The following ANK2 variants were observed in gnomAD, a reference collection of about 807,000 sequenced individuals.
The protein encoded by ANK2 is ankyrin-2.
Under a neutral mutation model 360.5 loss-of-function variants are expected in ANK2, and 83 were observed. The observed-to-expected ratio is 0.23, with a 90% CI of 0.19 to 0.28. ANK2 has a LOEUF of 0.28. Among genes scored for constraint, ANK2 ranks in the 10% least tolerant of loss-of-function variants. The pLI, the probability that ANK2 is intolerant of heterozygous loss-of-function variation, is 1.00. For synonymous variants in ANK2, 1,740 were observed against 1,759.5 expected (o/e 0.99, Z 0.28); for missense variants, 4,201 against 4,795.7 (o/e 0.88, Z 3.66).
chr4:113,253,232 G>GT (rs1467920322), intron 10 of ANK2, among the ~76,000 whole-genome samples: 2 of 152,068 alleles, frequency 1.3e-5, no homozygotes, highest in Non-Finnish European at 2.9e-5. Flanking sequence ...CTTTCCTTCT[G>GT]TTTTCCTAGC....
rs2097187424 is a variant in ANK2 at position 113,382,441 on chromosome 4, C to T, written c.*970C>T. ...CATCTTCAGGTCTTTAGATCTTGGA[C>T]AAGTTGGCAGGGTATTTTAAAAGCT... On this transcript the variant is annotated 3_prime_UTR_variant, in exon 46 of 46. Transcript: ENST00000357077. 1 of 152,674 alleles carries T rather than the reference C, an allele frequency of 6.5e-6. No individual in the cohort carries two copies. The highest frequency in any genetic ancestry group is 2.4e-5 in the African/African-American group (1 of 41,440). 9.5% of individuals were successfully genotyped at this position (152,674 alleles called of 1,614,324 possible).
chr4:113,054,689 A>C (rs893695675), intron 1 of ANK2, among the ~76,000 whole-genome samples: 1 of 152,166 alleles, frequency 6.6e-6, no homozygotes. Context: ...TAAAATACCA[A>C]CTTATAACCC....
In ANK2 at chr4:113,022,365, C is replaced by T. The variant is rs114641211; in HGVS notation, c.21+117851C>T. On this transcript the variant is annotated intron_variant, in intron 2 of 30. Coordinates refer to the ANK2 transcript ENST00000503271. ...TTACTTATCTACATCATATTTGGTA[C>T]GCAATTCCAGGATAATCACATTTTC... Among the ~76,000 whole-genome samples, 1,054 of 152,244 alleles carry T rather than the reference C, an allele frequency of 6.9e-3. 5 individuals carry two copies. Among genetic ancestry groups the T allele is most frequent in the Admixed American group, 0.013 (193 of 15,288 alleles).
At chr4:112,917,243 T>C (rs1222694734) in intron 2 of ANK2, among the ~76,000 whole-genome samples, 3 of 152,274 alleles carry the variant, frequency 2.0e-5, no homozygotes, top group East Asian at 1.9e-4. Flanking sequence ...AGACTCTTTA[T>C]TGATAACTCT....
intron 11 of ANK2, 142 bp downstream of exon 11, chr4:113,256,074 C>A: frequency 9.9e-7 from 1 of 1,013,372 alleles, no homozygotes; most frequent in Non-Finnish European, 1.5e-6. Flanking sequence ...TCACAATCAG[C>A]CTGTGTACTT....
intron 1 of ANK2, among the ~76,000 whole-genome samples, chr4:113,122,042 T>C (rs575286485): frequency 1.3e-5 from 2 of 152,174 alleles, no homozygotes; most frequent in South Asian, 4.1e-4. Context: ...AAGTTGAGAG[T>C]GGAATGTATT....
intron 1 of ANK2, among the ~76,000 whole-genome samples, chr4:112,899,550 C>G (rs2082685132): frequency 6.6e-6 from 1 of 152,094 alleles, no homozygotes; most frequent in Non-Finnish European, 1.5e-5. Flanking sequence ...AGGCACCTAA[C>G]AGAATGAACT....
At chr4:112,863,955 T>A (rs2069182823) in intron 1 of ANK2, among the ~76,000 whole-genome samples, 1 of 152,216 alleles carries the variant, frequency 6.6e-6, no homozygotes, top group South Asian at 2.1e-4. Context: ...AATACTATTA[T>A]TCAAAGAATT....
At chr4:113,259,478 A>G (rs1283579976) in intron 13 of ANK2, among the ~76,000 whole-genome samples, 1 of 152,082 alleles carries the variant, frequency 6.6e-6, no homozygotes, top group Non-Finnish European at 1.5e-5. Context: ...TTCACACACC[A>G]TTTCCACAGT....
chr4:113,053,369 T>A (rs1217549362), intron 1 of ANK2, among the ~76,000 whole-genome samples: 2 of 152,180 alleles, frequency 1.3e-5, no homozygotes, highest in Non-Finnish European at 2.9e-5. Context: ...CATCTGATAC[T>A]TCCAACAAAG....
chr4:112,897,938 C>A (rs905116738), intron 1 of ANK2, among the ~76,000 whole-genome samples: 15 of 151,822 alleles, frequency 9.9e-5, no homozygotes, highest in Admixed American at 5.2e-4. Context: ...TCAAATATCT[C>A]AAAAAAACCA....
rs535122470 is a variant in ANK2 at position 113,208,934 on chromosome 4, C to T, written c.384+9825C>T. ...TAAATGGTTATTAAAGCAGTGGACTCGAATGAGACTGCCGGAGCAGTAAAG... is the reference window on the plus strand; with the variant it reads ...TAAATGGTTATTAAAGCAGTGGACTTGAATGAGACTGCCGGAGCAGTAAAG... On this transcript the variant is annotated intron_variant, in intron 4 of 45. Transcript: ENST00000357077. Among the ~76,000 whole-genome samples the T allele has an allele frequency of 2.8e-4, 43 of 151,976 alleles. 2 individuals carry two copies. The highest frequency in any genetic ancestry group is 1.0e-3 in the African/African-American group (42 of 41,296).
At chr4:113,006,586 C>A (rs561505721) in intron 2 of ANK2, among the ~76,000 whole-genome samples, 1 of 152,086 alleles carries the variant, frequency 6.6e-6, no homozygotes, top group African/African-American at 2.4e-5. Context: ...TATAAATGGG[C>A]ACAGGATTTC....
intron 2 of ANK2, among the ~76,000 whole-genome samples, chr4:113,028,822 A>G (rs1383983040): frequency 6.6e-6 from 1 of 152,158 alleles, no homozygotes; most frequent in Non-Finnish European, 1.5e-5. Flanking sequence ...AAAATGATTC[A>G]CTAACTCCCG....
chr4:112,775,461 G>C, the ANK2 span, among the ~76,000 whole-genome samples: 1 of 147,818 alleles, frequency 6.8e-6, no homozygotes, highest in East Asian at 2.0e-4. Context: ...GGAGGTTGCA[G>C]TGAGCCGAGA....
At chr4:113,293,385 C>A in intron 21 of ANK2, 55 bp from the exon 22 acceptor site, 1 of 1,495,048 alleles carries the variant, frequency 6.7e-7, no homozygotes. Context: ...CTCATTGGCT[C>A]ACATCGCAGT....
At chr4:113,371,399 T>A (rs1183297686) in intron 43 of ANK2, among the ~76,000 whole-genome samples, 1 of 152,222 alleles carries the variant, frequency 6.6e-6, no homozygotes, top group African/African-American at 2.4e-5. Flanking sequence ...CTTGAATGAG[T>A]ACTACTAAAA....
In ANK2 at chr4:113,363,441, G is replaced by T; in HGVS notation, c.10860G>T (p.Trp3620Cys). ...AGAGTCATGCACTGTTGAAGTACTGGCTAGAGAGGGATGGGAAACATGCTA... is the reference window on the plus strand; with the variant it reads ...AGAGTCATGCACTGTTGAAGTACTGTCTAGAGAGGGATGGGAAACATGCTA... Reference protein sequence around the residue: ...QDQSHALLKYWLERDGKHATD... With the variant: ...QDQSHALLKYCLERDGKHATD... Residue 3620 changes from tryptophan to cysteine, a missense_variant, in exon 40 of 46, where the codon TGG (tryptophan) becomes TGT (cysteine). Trp to Cys is a radical substitution (Grantham distance 215, BLOSUM62 -2). Coordinates refer to ENST00000357077, the MANE Select transcript of ANK2 (RefSeq NM_001148.6). 8 of 1,613,514 alleles carry T rather than the reference G, an allele frequency of 5.0e-6. No individual in the cohort carries two copies. Among genetic ancestry groups the T allele is most frequent in the Non-Finnish European group, 5.9e-6 (7 of 1,179,624 alleles).
intron 10 of ANK2, 103 bp from the exon 11 acceptor site, chr4:113,255,632 C>A: frequency 8.6e-7 from 1 of 1,166,048 alleles, no homozygotes; most frequent in Non-Finnish European, 1.3e-6. Context: ...TTTTCCCCTG[C>A]CACTAACTGT....
Sources: allele counts gnomAD v4.1 joint callset (sites outside exome capture counted in the v4.1 genomes callset), GRCh38; gene constraint gnomAD v4.1.1; transcripts MANE v1.5; gene names NCBI Gene and HGNC (gene_info 2026-07-23, HGNC 2026-07-21).